NLGN4X: variants seen among roughly 807,000 people sequenced by gnomAD.
NLGN4X encodes neuroligin-4, X-linked.
Under a neutral mutation model 40.3 loss-of-function variants are expected in NLGN4X, and 3 were observed. The ratio of observed to expected loss-of-function variants is 0.07; its 90% CI spans 0.03 to 0.19. NLGN4X has a LOEUF of 0.19. Among genes scored for constraint, NLGN4X ranks in the 10% least tolerant of loss-of-function variants. The pLI is 1.00. For synonymous variants in NLGN4X, 270 were observed against 306.8 expected (o/e 0.88, Z 1.25); for missense variants, 382 against 708.3 (o/e 0.54, Z 5.23).
At chrX:5,978,327 TC>T (rs2147053210) in intron 3 of NLGN4X, among the ~76,000 whole-genome samples, 2 of 30,642 alleles carry the variant, frequency 6.5e-5, no homozygotes, top group Admixed American at 6.4e-4. Context: ...TTTCTTTCTT[TC>T]TTTCTTTCTT....
At chrX:5,906,126 TCTGA>T (rs1569121210) in intron 4 of NLGN4X, among the ~76,000 whole-genome samples, 1 of 112,405 alleles carries the variant, frequency 8.9e-6, no homozygotes, top group Admixed American at 9.4e-5. Flanking sequence ...TGAAGTTGGT[TCTGA>T]CTGCTTTCTA....
At chrX:6,161,188 G>T in intron 1 of NLGN4X, among the ~76,000 whole-genome samples, 1 of 24,860 alleles carries the variant, frequency 4.0e-5, no homozygotes, top group African/African-American at 2.3e-4. Flanking sequence ...ATATTATATA[G>T]GATATAAAAT....
At chrX:5,982,734 C>T (rs1050553753) in intron 3 of NLGN4X, among the ~76,000 whole-genome samples, 7 of 111,780 alleles carry the variant, frequency 6.3e-5, no homozygotes, top group Admixed American at 2.9e-4. Flanking sequence ...GGCACACACC[C>T]GTGGTCCCAG....
chrX:6,036,239 T>G (rs1444672985), intron 2 of NLGN4X, among the ~76,000 whole-genome samples: 1 of 111,493 alleles, frequency 9.0e-6, no homozygotes, highest in Non-Finnish European at 1.9e-5. Context: ...CCTTTGCCTT[T>G]CCATGAAACT....
chrX:6,148,507 G>A (rs1222840575), intron 2 of NLGN4X, among the ~76,000 whole-genome samples: 2 of 111,136 alleles, frequency 1.8e-5, no homozygotes, highest in Non-Finnish European at 3.8e-5. Flanking sequence ...GCTCTGCATT[G>A]GTTCTTTTTT....
At chrX:6,100,529 T>C (rs2038883547) in intron 2 of NLGN4X, among the ~76,000 whole-genome samples, 1 of 112,136 alleles carries the variant, frequency 8.9e-6, no homozygotes, top group Non-Finnish European at 1.9e-5. Flanking sequence ...CAAGATAACA[T>C]ATAGCTGCAG....
chrX:5,962,498 A>C (rs986681221), intron 3 of NLGN4X, among the ~76,000 whole-genome samples: 5 of 112,570 alleles, frequency 4.4e-5, no homozygotes, highest in African/African-American at 1.6e-4. Flanking sequence ...TTTCTAGATG[A>C]ATAATAACAA....
chrX:6,156,152 T>C (rs181904376), intron 1 of NLGN4X, among the ~76,000 whole-genome samples: 44 of 111,649 alleles, frequency 3.9e-4, no homozygotes, highest in Non-Finnish European at 6.0e-4. Flanking sequence ...AATCTAAGAG[T>C]CCATCAACAG....
intron 2 of NLGN4X, among the ~76,000 whole-genome samples, chrX:6,030,066 A>G (rs930039283): frequency 8.9e-6 from 1 of 111,933 alleles, no homozygotes; most frequent in African/African-American, 3.2e-5. Flanking sequence ...CAGTGATTAC[A>G]GTAACATACT....
chrX:5,928,447 C>T (rs1036504467), intron 3 of NLGN4X, among the ~76,000 whole-genome samples: 1 of 111,581 alleles, frequency 9.0e-6, no homozygotes, highest in African/African-American at 3.3e-5. Context: ...GTGATGAGGA[C>T]GAGGATGATC....
chrX:5,891,083 T>C lies in NLGN4X; in HGVS notation c.*1734A>G, dbSNP rs2031140928. 4 of 283,903 alleles carry C rather than the reference T, an allele frequency of 1.4e-5. No individual in the cohort carries two copies. The Admixed American group carries it at 1.7e-4, about 12-fold the overall frequency. The allele number at this position is 283,903 out of a possible 1,213,427, so 23.4% of individuals were successfully genotyped here. On this transcript the variant is annotated 3_prime_UTR_variant, in exon 6 of 6. Transcript: ENST00000381095. ...GTAATGCAATAATTTTTCAAAAAAGTATCCATTGCTACTATGTTTCCTTCC... is the reference window on the plus strand; with the variant it reads ...GTAATGCAATAATTTTTCAAAAAAGCATCCATTGCTACTATGTTTCCTTCC...
At chrX:6,025,543 G>T (rs1239945642) in intron 3 of NLGN4X, among the ~76,000 whole-genome samples, 1 of 111,648 alleles carries the variant, frequency 9.0e-6, no homozygotes, top group African/African-American at 3.3e-5. Context: ...AGTGTGACTG[G>T]GTATAATGGT....
chrX:6,037,817 T>C (rs1176584522), intron 2 of NLGN4X, among the ~76,000 whole-genome samples: 1 of 111,249 alleles, frequency 9.0e-6, no homozygotes, highest in Non-Finnish European at 1.9e-5. Flanking sequence ...ATGTGATTGA[T>C]TATTTTGTCA....
chrX:6,075,465 T>G (rs2038171680), intron 2 of NLGN4X, among the ~76,000 whole-genome samples: 2 of 111,809 alleles, frequency 1.8e-5, no homozygotes, highest in Admixed American at 1.9e-4. Flanking sequence ...GATTAGTCAC[T>G]GAAGAAGAAA....
intron 2 of NLGN4X, among the ~76,000 whole-genome samples, chrX:6,094,371 A>G (rs2038709331): frequency 9.0e-6 from 1 of 110,605 alleles, no homozygotes. Context: ...AAGATTTGGC[A>G]AGGTTAAAAA....
intron 3 of NLGN4X, 39 bp from the exon 4 acceptor site, chrX:5,909,278 A>G (rs761382568): frequency 1.7e-6 from 2 of 1,177,790 alleles, no homozygotes; most frequent in Non-Finnish European, 1.2e-6. Context: ...GGCCAAATAG[A>G]AAAAGTGCAT....
intron 2 of NLGN4X, among the ~76,000 whole-genome samples, chrX:6,089,428 T>A (rs777266455): frequency 1.8e-5 from 2 of 112,664 alleles, no homozygotes; most frequent in East Asian, 5.6e-4. Flanking sequence ...ACTAATTCCA[T>A]CCAGCACCTG....
chrX:5,974,679 C>T (rs747221750), intron 3 of NLGN4X, among the ~76,000 whole-genome samples: 7 of 111,278 alleles, frequency 6.3e-5, no homozygotes, highest in African/African-American at 1.3e-4. Flanking sequence ...AGGAGTCCTC[C>T]GTTACCCACG....
At chrX:6,196,084 ACCACCCCCAG>A (rs1046919314) in intron 1 of NLGN4X, among the ~76,000 whole-genome samples, 3 of 111,588 alleles carry the variant, frequency 2.7e-5, no homozygotes, top group Non-Finnish European at 5.6e-5. Context: ...GTCATGAGCC[ACCACCCCCAG>A]CCTATTATTA....
Sources: allele counts gnomAD v4.1 joint callset (sites outside exome capture counted in the v4.1 genomes callset), GRCh38; gene constraint gnomAD v4.1.1; transcripts MANE v1.5; gene names NCBI Gene and HGNC (gene_info 2026-07-23, HGNC 2026-07-21).